The following ARSG variants were observed in gnomAD, a reference collection of about 807,000 sequenced individuals.
The protein encoded by ARSG is ASG.
Under a neutral mutation model 50.5 loss-of-function variants are expected in ARSG, and 37 were observed. The ratio of observed to expected loss-of-function variants is 0.73; its 90% CI spans 0.56 to 0.96. The LOEUF (loss-of-function observed/expected upper bound fraction) is 0.96. Among genes scored for constraint, ARSG ranks in the 50% least tolerant of loss-of-function variants. The pLI is 0.00. For missense variants in ARSG, 629 were observed against 675.3 expected (o/e 0.93, Z 0.76); for synonymous variants, 225 against 254.6 (o/e 0.88, Z 1.11).
intron 2 of ARSG, among the ~76,000 whole-genome samples, chr17:68,339,886 C>T (rs904572536): frequency 2.0e-5 from 3 of 152,270 alleles, no homozygotes; most frequent in African/African-American, 4.8e-5. Context: ...TATGATGCTC[C>T]GCGGTTGACA....
chr17:68,421,900 CCA>C (rs2082803791), downstream of ARSG: 1 of 1,581,174 alleles, frequency 6.3e-7, no homozygotes, highest in Non-Finnish European at 8.7e-7. Flanking sequence ...AGGTCTGTGC[CCA>C]TGCAGAGTGA....
At chr17:68,431,278 G>A in the ARSG span, among the ~76,000 whole-genome samples, 415 of 152,282 alleles carry the variant, frequency 2.7e-3, 1 homozygote, top group Middle Eastern at 0.01. Flanking sequence ...TAACGTTTCC[G>A]TGTCCAGATT....
chr17:68,305,570 TC>T (rs1185849966), intron 1 of ARSG, among the ~76,000 whole-genome samples: 1 of 152,204 alleles, frequency 6.6e-6, no homozygotes, highest in Non-Finnish European at 1.5e-5. Flanking sequence ...CTTTAGATTT[TC>T]TTATTAAAAT....
In ARSG at chr17:68,367,955, A is replaced by G. The variant is rs1429395645; in HGVS notation, c.705-593A>G. 6.6e-6 allele frequency among the ~76,000 whole-genome samples: 1 copy of G among 152,128 alleles called. No homozygotes were observed. Among genetic ancestry groups the G allele is most frequent in the African/African-American group, 2.4e-5 (1 of 41,438 alleles). Reference sequence around the variant, plus strand: ...CATGGGGGTGGGCACCTGTAATTCCAGCTACTCAGGAGGCTGAGGCGGGAG... The same window carrying G: ...CATGGGGGTGGGCACCTGTAATTCCGGCTACTCAGGAGGCTGAGGCGGGAG... On this transcript the variant is annotated intron_variant, in intron 6 of 11. Coordinates refer to ENST00000621439, the MANE Select transcript of ARSG (RefSeq NM_001267727.2). This position sits in a 1 kb window ranked among gnomAD's most constrained non-coding sequence, Gnocchi z 4.5.
chr17:68,278,602 T>C (rs1040451481), intron 1 of ARSG, among the ~76,000 whole-genome samples: 26 of 148,888 alleles, frequency 1.7e-4, no homozygotes, highest in Non-Finnish European at 3.7e-4. Context: ...AGCCAGCTAA[T>C]GTTTTTTCTT....
At position 68,393,259 on chromosome 17, in the gene ARSG, A is replaced by C. The variant is rs145394800; in HGVS notation, c.1092-1814A>C. On this transcript the variant is annotated intron_variant, in intron 9 of 11. Transcript: ENST00000621439. ...AATGAAAAATTACAGAAATGAATCTAAGTTTTAAATTGTGCACATTCTGAG... is the reference window on the plus strand; with the variant it reads ...AATGAAAAATTACAGAAATGAATCTCAGTTTTAAATTGTGCACATTCTGAG... Among the ~76,000 whole-genome samples, 524 of 152,308 alleles carry C rather than the reference A, an allele frequency of 3.4e-3. 9 individuals carry two copies. The highest frequency in any genetic ancestry group is 0.031 in the Admixed American group (480 of 15,298).
chr17:68,370,537 G>C lies in ARSG; in HGVS notation c.982+13G>C. ...CAAACTCGTCAAGGTAAGGGGCTCA[G>C]CTGGGGTTGGTGGATCCCATTGCAA... On this transcript the variant is annotated intron_variant, in intron 8 of 11. Coordinates refer to ENST00000621439, the MANE Select transcript of ARSG (RefSeq NM_001267727.2). The C allele has an allele frequency of 6.2e-7, 1 of 1,613,178 alleles. No individual in the cohort carries two copies.
At chr17:68,423,969 C>T (rs2082976584), downstream of ARSG, among the ~76,000 whole-genome samples, 1 of 151,896 alleles carries the variant, frequency 6.6e-6, no homozygotes, top group African/African-American at 2.4e-5. The surrounding 1 kb of genome is among the most constrained non-coding windows in gnomAD (Gnocchi z 4.4). Flanking sequence ...TGTGGTAAAC[C>T]CTGACAGAGT....
Position 68,309,121 on chromosome 17 carries a change from A to T in ARSG, c.218+1410A>T, listed in dbSNP as rs556461574. 3.3e-5 allele frequency among the ~76,000 whole-genome samples: 5 copies of T among 152,210 alleles called. No individual in the cohort carries two copies. In the South Asian group the frequency reaches 1.0e-3, roughly 32 times the overall value. On this transcript the variant is annotated intron_variant, in intron 2 of 11. Transcript: ENST00000621439. ...GCTGGTGGGCTGGCCCTGCTGAGGG[A>T]CCTAGTACACCCTCCGCAGCTGCTG...
At position 68,331,181 on chromosome 17, in the gene ARSG, C is replaced by G. The variant is rs1389888209; in HGVS notation, c.219-12423C>G. The stretch of plus-strand genomic sequence containing the variant: ...TTGTATTTTAGCAAAGACAGGGTTT[C>G]TTTCTTTCTTTCTTTCTTTCTTTCT... On this transcript the variant is annotated intron_variant, in intron 2 of 11. Coordinates refer to ENST00000621439, the MANE Select transcript of ARSG (RefSeq NM_001267727.2). 3.8e-4 allele frequency among the ~76,000 whole-genome samples: 9 copies of G among 23,944 alleles called. No individual in the cohort carries two copies. The East Asian group carries it at 5.8e-3, about 16-fold the overall frequency. The allele number at this position is 23,944 out of a possible 152,430, so 15.7% of individuals were successfully genotyped here.
chr17:68,262,029 T>G (rs1397476145), intron 1 of ARSG, among the ~76,000 whole-genome samples: 6 of 149,634 alleles, frequency 4.0e-5, no homozygotes, highest in African/African-American at 1.5e-4. Flanking sequence ...TGGTGGCGGG[T>G]GCCTGTAATC....
At position 68,381,450 on chromosome 17, in the gene ARSG, G is replaced by C. The variant is rs62085872; in HGVS notation, c.983-3614G>C. Among the ~76,000 whole-genome samples the C allele has an allele frequency of 0.075, 11,378 of 152,240 alleles. 565 individuals carry two copies. The highest frequency in any genetic ancestry group is 0.15 in the Admixed American group (2,319 of 15,296). On this transcript the variant is annotated intron_variant, in intron 8 of 11. Transcript: ENST00000621439. This position sits in a 1 kb window ranked among gnomAD's most constrained non-coding sequence, Gnocchi z 4.1. The stretch of plus-strand genomic sequence containing the variant: ...GACAGAAAGCCGAAGGCAACTAACA[G>C]TTTTAATGTGCCAGTGCCTGATCAA...
At chr17:68,275,147 A>G (rs1482758222) in intron 1 of ARSG, among the ~76,000 whole-genome samples, 2 of 152,216 alleles carry the variant, frequency 1.3e-5, no homozygotes, top group Non-Finnish European at 2.9e-5. Context: ...GAGAGTTGCT[A>G]TGGGATAGAT....
intron 9 of ARSG, among the ~76,000 whole-genome samples, chr17:68,390,307 C>T (rs79314929): frequency 0.16 from 24,950 of 152,030 alleles, 3,986 homozygotes; most frequent in African/African-American, 0.39. Context: ...TTCAGCAGCC[C>T]CTTGGATAAG....
intron 10 of ARSG, among the ~76,000 whole-genome samples, chr17:68,397,729 G>C (rs561847870): frequency 3.3e-5 from 5 of 152,154 alleles, no homozygotes; most frequent in African/African-American, 1.2e-4. Flanking sequence ...GCATATTCTA[G>C]ACGTGTATGC....
intron 6 of ARSG, among the ~76,000 whole-genome samples, chr17:68,366,705 GTA>G (rs1491296297): frequency 2.6e-5 from 4 of 151,774 alleles, no homozygotes; most frequent in Non-Finnish European, 4.4e-5. Flanking sequence ...GTGTGTGTGT[GTA>G]TTTTATTGTG....
chr17:68,348,293 G>A lies in ARSG; in HGVS notation c.454+1121G>A, dbSNP rs537341114. 2.0e-4 allele frequency among the ~76,000 whole-genome samples: 30 copies of A among 152,264 alleles called. 1 individual carries two copies. The highest frequency in any genetic ancestry group is 1.7e-3 in the Admixed American group (26 of 15,288). On this transcript the variant is annotated intron_variant, in intron 4 of 11. Coordinates refer to ENST00000621439, the MANE Select transcript of ARSG (RefSeq NM_001267727.2). ...TCAGTTTTCTCACTTGACAGTTGAG[G>A]GGTTGGACCAGATCAGGTGTTGGCA...
chr17:68,306,431 C>T (rs1392547060), intron 1 of ARSG, among the ~76,000 whole-genome samples: 1 of 152,022 alleles, frequency 6.6e-6, no homozygotes, highest in Non-Finnish European at 1.5e-5. Context: ...GTGGCACATG[C>T]CTGTAATCCC....
intron 6 of ARSG, among the ~76,000 whole-genome samples, chr17:68,360,028 C>T (rs1050488412): frequency 3.9e-5 from 6 of 152,136 alleles, no homozygotes; most frequent in East Asian, 1.9e-4. Context: ...GTGACTCAAA[C>T]GACACTGTGT....
Sources: gnomAD v4.1 joint callset for allele counts (sites outside exome capture counted in the v4.1 genomes callset) on GRCh38, gnomAD v4.1.1 for gene constraint, Gnocchi (gnomAD v3.1) non-coding constraint, MANE v1.5 for transcripts, NCBI Gene and HGNC (gene_info 2026-07-23, HGNC 2026-07-21) for gene names.